Variants in ADAMTS2 observed in about 807,000 individuals in gnomAD.
ADAMTS2 encodes A disintegrin and metalloproteinase with thrombospondin motifs 2.
A neutral mutation model predicts 123.0 loss-of-function variants in ADAMTS2; 50 were observed. The observed-to-expected ratio is 0.41, with a 90% confidence interval of 0.32 to 0.51. ADAMTS2 has a LOEUF of 0.51. ADAMTS2 is among the 20% of genes least tolerant of loss of function. The pLI, the probability that ADAMTS2 is intolerant of heterozygous loss-of-function variation, is 0.35. For missense variants in ADAMTS2, 1,494 were observed against 1,705.2 expected (o/e 0.88, Z 2.18); for synonymous variants, 678 against 695.4 (o/e 0.98, Z 0.39).
chr5:179,283,549 C>CA (rs3986816), intron 2 of ADAMTS2, among the ~76,000 whole-genome samples: 5,729 of 51,312 alleles, frequency 0.11, 403 homozygotes, highest in East Asian at 0.19. Flanking sequence ...AGAAAAACAG[C>CA]AAAAAAAAAA....
rs1303214230 is a variant in ADAMTS2 at position 179,234,410 on chromosome 5, T to A, written c.689-26695A>T. Among the ~76,000 whole-genome samples, 3 of 152,078 alleles carry A rather than the reference T, an allele frequency of 2.0e-5. No homozygotes were observed. The highest frequency in any genetic ancestry group is 4.4e-5 in the Non-Finnish European group (3 of 67,988). The stretch of plus-strand genomic sequence containing the variant: ...CGTGCCCTGGACGCTGCTCATCCAC[T>A]AGGACTGGGCTTCCGTGTGCAGGGC... On this transcript the variant is annotated intron_variant, in intron 3 of 21. Transcript: ENST00000251582. The surrounding 1 kb of genome is among the most constrained non-coding windows in gnomAD (Gnocchi z 4.7).
chr5:179,247,136 A>C (rs1220522053), intron 3 of ADAMTS2, among the ~76,000 whole-genome samples: 1 of 152,202 alleles, frequency 6.6e-6, no homozygotes, highest in Non-Finnish European at 1.5e-5. Context: ...TGGGCAAATA[A>C]CGTAAGTAAA....
chr5:179,202,143 C>A lies in ADAMTS2; in HGVS notation c.891+5370G>T, dbSNP rs989694168. Among the ~76,000 whole-genome samples, 14 of 152,086 alleles carry A rather than the reference C, an allele frequency of 9.2e-5. No homozygotes were observed. The highest frequency in any genetic ancestry group is 1.5e-4 in the Non-Finnish European group (10 of 68,004). ...TTTCCACTGCTCCCGGAGCCACAGG[C>A]GGCTCCCCTCCACCTCTGGAAGACT... is the stretch of plus-strand genomic sequence containing the variant. On this transcript the variant is annotated intron_variant, in intron 4 of 21. Coordinates refer to ENST00000251582, the MANE Select transcript of ADAMTS2 (RefSeq NM_014244.5). The surrounding 1 kb of genome is among the most constrained non-coding windows in gnomAD (Gnocchi z 4.0).
At chr5:179,261,201 T>C (rs1766213736) in intron 3 of ADAMTS2, among the ~76,000 whole-genome samples, 1 of 152,150 alleles carries the variant, frequency 6.6e-6, no homozygotes, top group Non-Finnish European at 1.5e-5. Context: ...GCAAAGGACT[T>C]AGGAATAGGA....
intron 2 of ADAMTS2, among the ~76,000 whole-genome samples, chr5:179,296,845 C>A (rs569951479): frequency 2.6e-5 from 4 of 152,120 alleles, no homozygotes; most frequent in Non-Finnish European, 4.4e-5. Context: ...ACTAACACAA[C>A]CATCAATGGG....
chr5:179,241,986 G>C (rs947985150), intron 3 of ADAMTS2, among the ~76,000 whole-genome samples: 6 of 152,156 alleles, frequency 3.9e-5, no homozygotes, highest in African/African-American at 1.4e-4. Flanking sequence ...GGCTGTGGTG[G>C]GGGGGCACAT....
chr5:179,338,404 G>T (rs33899), intron 2 of ADAMTS2, among the ~76,000 whole-genome samples: 19,929 of 152,162 alleles, frequency 0.13, 1,542 homozygotes, highest in East Asian at 0.3. Context: ...GCTGCTCCCC[G>T]GACCCCCTCC....
chr5:179,293,777 C>G (rs1002059861), intron 2 of ADAMTS2, among the ~76,000 whole-genome samples: 1 of 151,480 alleles, frequency 6.6e-6, no homozygotes, highest in African/African-American at 2.4e-5. Context: ...CCACACCCAG[C>G]TAAATTTTTT....
rs556501364 is a variant in ADAMTS2, at chr5:179,268,844, G to A, written c.688+4067C>T. Among the ~76,000 whole-genome samples the A allele has an allele frequency of 7.9e-4, 120 of 152,310 alleles. 1 individual carries two copies. The highest frequency in any genetic ancestry group is 1.3e-4 in the Non-Finnish European group (9 of 68,028). On this transcript the variant is annotated intron_variant, in intron 3 of 21. Transcript: ENST00000251582. ...ACCCAGACGGGCGCCTCCCGGGTGT[G>A]CTGTGCACTGCGTGGCCAGCCTTGT... is the stretch of plus-strand genomic sequence containing the variant.
intron 4 of ADAMTS2, among the ~76,000 whole-genome samples, chr5:179,206,359 C>T (rs1178482404): frequency 2.6e-5 from 4 of 152,190 alleles, no homozygotes; most frequent in Non-Finnish European, 5.9e-5. Context: ...TGGAGGGGCT[C>T]ACCCCTGGTC....
intron 2 of ADAMTS2, among the ~76,000 whole-genome samples, chr5:179,305,016 G>A (rs1756632835): frequency 2.0e-5 from 3 of 149,794 alleles, no homozygotes; most frequent in Admixed American, 2.0e-4. Flanking sequence ...TATCAAAACT[G>A]TGAAGTCCAA....
rs143457537 is a variant in ADAMTS2 at position 179,170,488 on chromosome 5, C to T, written c.975+10584G>A. ...TAGAGACGGGGGCCTCATTCCTTGA[C>T]GGGAAGCCTGTGGTTCCTTGAAGAG... On this transcript the variant is annotated intron_variant, in intron 5 of 21. Transcript: ENST00000251582. This position sits in a 1 kb window ranked among gnomAD's most constrained non-coding sequence, Gnocchi z 4.3. Among the ~76,000 whole-genome samples the T allele has an allele frequency of 1.5e-3, 225 of 152,240 alleles. No homozygotes were observed. Among genetic ancestry groups the T allele is most frequent in the African/African-American group, 4.6e-3 (190 of 41,532 alleles).
intron 3 of ADAMTS2, among the ~76,000 whole-genome samples, chr5:179,238,039 C>T (rs1765569996): frequency 6.6e-6 from 1 of 152,186 alleles, no homozygotes; most frequent in Non-Finnish European, 1.5e-5. Context: ...ACAATAAACA[C>T]ACACCGAAGC....
At chr5:179,178,546 CAGG>C (rs1463456169) in intron 5 of ADAMTS2, among the ~76,000 whole-genome samples, 1 of 152,250 alleles carries the variant, frequency 6.6e-6, no homozygotes, top group Non-Finnish European at 1.5e-5. Flanking sequence ...TCCTTTCTGC[CAGG>C]AGAAGTATCT....
At chr5:179,274,832 A>G (rs1766651919) in intron 2 of ADAMTS2, among the ~76,000 whole-genome samples, 1 of 152,244 alleles carries the variant, frequency 6.6e-6, no homozygotes, top group Non-Finnish European at 1.5e-5. Flanking sequence ...GTGGAGGTGC[A>G]GGGCCTGGAG....
chr5:179,338,384 TG>T (rs1484545917), intron 2 of ADAMTS2, among the ~76,000 whole-genome samples: 4 of 152,190 alleles, frequency 2.6e-5, no homozygotes, highest in Middle Eastern at 3.4e-3. Flanking sequence ...CAGAGGTAGA[TG>T]GTGTGGATGC....
At position 179,189,044 on chromosome 5, in the gene ADAMTS2, G is replaced by T. The variant is rs1764240106; in HGVS notation, c.892-7889C>A. ...GTCAGATTTCATGGGTGCCAGCATG[G>T]GCTCTGCCACAATCCTGCTGCGTGA... On this transcript the variant is annotated intron_variant, in intron 4 of 21. Coordinates refer to ENST00000251582, the MANE Select transcript of ADAMTS2 (RefSeq NM_014244.5). The surrounding 1 kb of genome is among the most constrained non-coding windows in gnomAD (Gnocchi z 4.2). 6.6e-6 allele frequency among the ~76,000 whole-genome samples: 1 copy of T among 152,182 alleles called. No individual in the cohort carries two copies. The highest frequency in any genetic ancestry group is 1.5e-5 in the Non-Finnish European group (1 of 68,030).
At chr5:179,344,441 G>A (rs1757879170) in intron 1 of ADAMTS2, among the ~76,000 whole-genome samples, 1 of 152,198 alleles carries the variant, frequency 6.6e-6, no homozygotes, top group Non-Finnish European at 1.5e-5. Flanking sequence ...TTCAGGGTTG[G>A]GGCTCGGTGG....
At chr5:179,267,996 C>A (rs1217943245) in intron 3 of ADAMTS2, among the ~76,000 whole-genome samples, 2 of 152,258 alleles carry the variant, frequency 1.3e-5, no homozygotes, top group Non-Finnish European at 2.9e-5. Flanking sequence ...TGCCGACTCA[C>A]TGAGCTCAGC....
Sources: gnomAD v4.1 joint callset for allele counts (sites outside exome capture counted in the v4.1 genomes callset) on GRCh38, gnomAD v4.1.1 for gene constraint, Gnocchi (gnomAD v3.1) non-coding constraint, MANE v1.5 for transcripts, NCBI Gene and HGNC (gene_info 2026-07-23, HGNC 2026-07-21) for gene names.